The following LRRC4C variants were observed in gnomAD, a reference collection of about 807,000 sequenced individuals.
LRRC4C encodes leucine-rich repeat-containing protein 4C.
In LRRC4C, 5 loss-of-function variants were observed where a neutral mutation model predicts 33.6. The ratio of observed to expected loss-of-function variants is 0.15; its 90% confidence interval spans 0.08 to 0.31. LRRC4C has a LOEUF of 0.31. Ranked by LOEUF, LRRC4C falls within the 10% of genes least tolerant of loss-of-function variation. The probability of loss-of-function intolerance (pLI) is 1.00; values close to 1 mark genes in which losing one functional copy is unlikely to be tolerated. For missense variants in LRRC4C, 560 were observed against 796.7 expected (o/e 0.70, Z 3.58); for synonymous variants, 329 against 302.0 (o/e 1.09, Z -0.93).
At chr11:41,192,659 G>T (rs1383923036) in intron 1 of LRRC4C, among the ~76,000 whole-genome samples, 1 of 151,952 alleles carries the variant, frequency 6.6e-6, no homozygotes, top group Non-Finnish European at 1.5e-5. Flanking sequence ...TCTTAAAAAT[G>T]CAGCTTTTAC....
chr11:40,486,713 A>T (rs1953881800), intron 3 of LRRC4C, among the ~76,000 whole-genome samples: 1 of 152,086 alleles, frequency 6.6e-6, no homozygotes. Flanking sequence ...ATTGGTTAAG[A>T]TTAGAGTAGT....
chr11:40,582,530 T>TC (rs1958516801), intron 3 of LRRC4C, among the ~76,000 whole-genome samples: 2 of 150,324 alleles, frequency 1.3e-5, no homozygotes, highest in Non-Finnish European at 3.0e-5. Context: ...TTTTTTTTTT[T>TC]TTTTTAATGG....
intron 1 of LRRC4C, among the ~76,000 whole-genome samples, chr11:41,230,850 T>C (rs1022518526): frequency 8.5e-5 from 12 of 141,624 alleles, no homozygotes; most frequent in Non-Finnish European, 1.5e-4. Context: ...TTTTGCAATC[T>C]ACTCATCTGA....
chr11:41,104,982 T>A (rs567027824), intron 1 of LRRC4C, among the ~76,000 whole-genome samples: 2 of 152,018 alleles, frequency 1.3e-5, no homozygotes, highest in East Asian at 3.9e-4. Flanking sequence ...CTATTTGTTG[T>A]TAAGAAATGT....
At chr11:40,771,396 G>A (rs988140429) in intron 2 of LRRC4C, among the ~76,000 whole-genome samples, 8 of 152,130 alleles carry the variant, frequency 5.3e-5, no homozygotes, top group Non-Finnish European at 8.8e-5. Context: ...GCCCAGCCCA[G>A]GAAACCATTT....
rs149758382 is a variant in LRRC4C, at chr11:40,713,926, C to A, written c.-406-65648G>T. ...ATAGAAGAGGGATCATCTGTGTAACCAATGGGATATTGTGGGAATTACAGA... is the reference window on the plus strand; with the variant it reads ...ATAGAAGAGGGATCATCTGTGTAACAAATGGGATATTGTGGGAATTACAGA... On this transcript the variant is annotated intron_variant, in intron 2 of 6. Coordinates refer to ENST00000528697, the MANE Select transcript of LRRC4C (RefSeq NM_001258419.2). 5.7e-3 allele frequency among the ~76,000 whole-genome samples: 872 copies of A among 152,282 alleles called. 8 individuals are homozygous for A. Among genetic ancestry groups the A allele is most frequent in the African/African-American group, 0.02 (812 of 41,550 alleles).
intron 3 of LRRC4C, among the ~76,000 whole-genome samples, chr11:40,373,158 C>T (rs1948524654): frequency 6.6e-6 from 1 of 152,132 alleles, no homozygotes; most frequent in Admixed American, 6.6e-5. Flanking sequence ...ACACCCTACA[C>T]TTGAAGCAAT....
intron 1 of LRRC4C, among the ~76,000 whole-genome samples, chr11:41,443,361 T>A (rs1955715800): frequency 6.6e-6 from 1 of 151,942 alleles, no homozygotes; most frequent in Non-Finnish European, 1.5e-5. Context: ...CCAAAAAATT[T>A]AGCTGGGCCT....
chr11:40,725,514 T>TAA (rs1371677133), intron 2 of LRRC4C, among the ~76,000 whole-genome samples: 1 of 138,722 alleles, frequency 7.2e-6, no homozygotes, highest in African/African-American at 2.7e-5. Flanking sequence ...AGACTCTGTT[T>TAA]AAAAAAAAAA....
At chr11:40,430,960 G>T (rs1371928104) in intron 3 of LRRC4C, among the ~76,000 whole-genome samples, 3 of 99,470 alleles carry the variant, frequency 3.0e-5, no homozygotes, top group African/African-American at 7.7e-5. Flanking sequence ...GGTGGGGGGA[G>T]GGGGGAGGGA....
intron 2 of LRRC4C, among the ~76,000 whole-genome samples, chr11:40,798,278 T>C (rs1215767577): frequency 6.6e-6 from 1 of 152,222 alleles, no homozygotes; most frequent in South Asian, 2.1e-4. Context: ...TGTGAGACCA[T>C]ATGCTGTGGG....
chr11:40,675,185 G>A (rs1185780267), intron 2 of LRRC4C, among the ~76,000 whole-genome samples: 1 of 152,050 alleles, frequency 6.6e-6, no homozygotes, highest in African/African-American at 2.4e-5. Flanking sequence ...AATTTACCAG[G>A]AGTTGTAGCA....
intron 2 of LRRC4C, among the ~76,000 whole-genome samples, chr11:40,684,244 A>T (rs1445474263): frequency 2.0e-5 from 3 of 152,154 alleles, no homozygotes; most frequent in African/African-American, 7.2e-5. Flanking sequence ...AAGAGAATAA[A>T]GTAATTCAAT....
chr11:40,629,914 G>A (rs539460758), intron 3 of LRRC4C, among the ~76,000 whole-genome samples: 2 of 152,022 alleles, frequency 1.3e-5, no homozygotes, highest in African/African-American at 4.8e-5. Context: ...GTTAAATGTG[G>A]TTAATATATT....
intron 5 of LRRC4C, among the ~76,000 whole-genome samples, chr11:40,220,619 T>G (rs926143677): frequency 8.5e-5 from 13 of 152,168 alleles, no homozygotes; most frequent in African/African-American, 3.1e-4. Flanking sequence ...GCAACAGTTT[T>G]CAAACTGAAT....
intron 1 of LRRC4C, among the ~76,000 whole-genome samples, chr11:41,396,892 C>T (rs1953840183): frequency 6.6e-6 from 1 of 151,970 alleles, no homozygotes; most frequent in African/African-American, 2.4e-5. Flanking sequence ...AAACTATCAA[C>T]AGAGTAAAGA....
At chr11:40,664,860 G>A (rs964750240) in intron 2 of LRRC4C, among the ~76,000 whole-genome samples, 9 of 151,660 alleles carry the variant, frequency 5.9e-5, no homozygotes, top group East Asian at 3.9e-4. Context: ...GTGCCATGTT[G>A]GTGTGCTGCA....
At chr11:40,403,987 A>T (rs558182399) in intron 3 of LRRC4C, among the ~76,000 whole-genome samples, 7 of 152,272 alleles carry the variant, frequency 4.6e-5, no homozygotes, top group Admixed American at 4.6e-4. Context: ...TAAGGTTTTC[A>T]TGGCTCCCTC....
intron 1 of LRRC4C, among the ~76,000 whole-genome samples, chr11:41,274,590 T>C (rs1046691685): frequency 3.3e-5 from 5 of 151,944 alleles, no homozygotes; most frequent in African/African-American, 1.2e-4. Flanking sequence ...GTTTGTAAAA[T>C]GGACCAATCA....
Sources: allele counts gnomAD v4.1 joint callset (sites outside exome capture counted in the v4.1 genomes callset), GRCh38; gene constraint gnomAD v4.1.1; transcripts MANE v1.5; gene names NCBI Gene and HGNC (gene_info 2026-07-23, HGNC 2026-07-21).